Variants in ATP8A1 observed in about 807,000 individuals in gnomAD.
The protein encoded by ATP8A1 is ATPase phospholipid transporting 8A1, also known as phospholipid-transporting ATPase IA.
A neutral mutation model predicts 177.7 loss-of-function variants in ATP8A1; 90 were observed. The observed-to-expected ratio is 0.51, with a 90% CI of 0.43 to 0.60. The LOEUF (loss-of-function observed/expected upper bound fraction) is 0.60. Ranked by LOEUF, ATP8A1 falls within the 20% of genes least tolerant of loss-of-function variation. The probability of loss-of-function intolerance (pLI) is 0.00; values close to 1 mark genes in which losing one functional copy is unlikely to be tolerated. For missense variants in ATP8A1, 1,072 were observed against 1,392.8 expected, an observed-to-expected ratio of 0.77 and a Z score of 3.67; for synonymous variants, 493 against 485.9, an observed-to-expected ratio of 1.01 and a Z score of -0.19.
chr4:42,540,546 C>T (rs113987825), intron 20 of ATP8A1, among the ~76,000 whole-genome samples: 1 of 133,020 alleles, frequency 7.5e-6, no homozygotes, highest in African/African-American at 2.8e-5. Flanking sequence ...ATCAACAGAC[C>T]AATAGATAAA....
intron 5 of ATP8A1, among the ~76,000 whole-genome samples, chr4:42,605,208 G>T (rs187640541): frequency 6.6e-6 from 1 of 152,244 alleles, no homozygotes; most frequent in African/African-American, 2.4e-5. Flanking sequence ...TACAGAAAAA[G>T]ATGCCAATGA....
chr4:42,625,167 T>G (rs1163568843), intron 3 of ATP8A1: 1 of 152,866 alleles, frequency 6.5e-6, no homozygotes, highest in Non-Finnish European at 1.5e-5. Context: ...TTTTAAAAAT[T>G]TTTTATTTTC....
chr4:42,414,773 G>C, intron 35 of ATP8A1, 55 bp from the exon 36 acceptor site: 3 of 1,342,742 alleles, frequency 2.2e-6, no homozygotes, highest in Non-Finnish European at 3.2e-6. Flanking sequence ...AGAGACCCCA[G>C]TGTGCCCACA....
Position 42,600,993 on chromosome 4 carries a change from AAAAC to A in ATP8A1, c.410-479_410-476del, listed in dbSNP as rs1345455041. On this transcript the variant is annotated intron_variant, in intron 5 of 36. Transcript: ENST00000381668. The stretch of plus-strand genomic sequence containing the variant: ...ACCTTTAGGTTTATATTAATGCAAA[AAAAC>A]AAACAGCGACAAAAAGCAAAAACAA... 3.3e-5 allele frequency among the ~76,000 whole-genome samples: 5 copies of A among 152,054 alleles called. No individual in the cohort carries two copies. In the East Asian group the frequency reaches 5.8e-4, roughly 18 times the overall value.
intron 6 of ATP8A1, among the ~76,000 whole-genome samples, chr4:42,593,151 G>A (rs1253577478): frequency 1.3e-5 from 2 of 151,988 alleles, no homozygotes; most frequent in African/African-American, 4.8e-5. Context: ...AAGAATCCTG[G>A]CTTTTCACTC....
intron 33 of ATP8A1, 93 bp downstream of exon 33, chr4:42,443,472 A>G: frequency 1.6e-6 from 1 of 615,294 alleles, no homozygotes; most frequent in Non-Finnish European, 3.0e-6. Flanking sequence ...ATATAAATCA[A>G]CAAGATGGAA....
chr4:42,510,391 A>G (rs1290085959), intron 22 of ATP8A1, among the ~76,000 whole-genome samples: 2 of 152,234 alleles, frequency 1.3e-5, no homozygotes, highest in Admixed American at 6.5e-5. Flanking sequence ...TTGAATTTAA[A>G]TGTTTACACA....
intron 24 of ATP8A1, among the ~76,000 whole-genome samples, chr4:42,502,851 TTTAATA>T (rs1198223144): frequency 6.6e-6 from 1 of 152,234 alleles, no homozygotes; most frequent in African/African-American, 2.4e-5. Flanking sequence ...TCTCCTTTAC[TTTAATA>T]TTAACAGGTC....
chr4:42,606,719 T>G (rs185712846), intron 5 of ATP8A1, among the ~76,000 whole-genome samples: 2 of 152,130 alleles, frequency 1.3e-5, no homozygotes, highest in Non-Finnish European at 2.9e-5. Flanking sequence ...ATTCTCCCCC[T>G]GGTGCAAATT....
At chr4:42,454,309 C>T (rs1718245107) in intron 29 of ATP8A1, among the ~76,000 whole-genome samples, 2 of 152,128 alleles carry the variant, frequency 1.3e-5, no homozygotes, top group African/African-American at 4.8e-5. Context: ...ATTCTCTTGG[C>T]ATATGGAAAA....
At chr4:42,502,328 C>T (rs1723937286) in intron 24 of ATP8A1, among the ~76,000 whole-genome samples, 1 of 152,098 alleles carries the variant, frequency 6.6e-6, no homozygotes, top group African/African-American at 2.4e-5. Context: ...AAAATAAATG[C>T]CAGTGTCTTA....
Position 42,409,962 on chromosome 4 carries a change from C to T in ATP8A1, c.*2954G>A, listed in dbSNP as rs1712401484. 1 of 152,160 alleles carries T rather than the reference C, an allele frequency of 6.6e-6. No individual in the cohort carries two copies. The highest frequency in any genetic ancestry group is 6.5e-5 in the Admixed American group (1 of 15,272). The allele number at this position is 152,160 out of a possible 1,614,324, so 9.4% of individuals were successfully genotyped here. A position where few individuals can be genotyped will look rare whatever the true frequency, so the allele number is the denominator to read the frequency against. On this transcript the variant is annotated 3_prime_UTR_variant, in exon 37 of 37. Coordinates refer to ENST00000381668, the MANE Select transcript of ATP8A1 (RefSeq NM_006095.2). ...CCATACAATTCATGTAAATGGCTAACATTATTTAGCAGAATACACATTCAC... is the reference window on the plus strand; with the variant it reads ...CCATACAATTCATGTAAATGGCTAATATTATTTAGCAGAATACACATTCAC...
At chr4:42,517,959 T>C (rs1725728957) in intron 22 of ATP8A1, among the ~76,000 whole-genome samples, 1 of 152,198 alleles carries the variant, frequency 6.6e-6, no homozygotes, top group African/African-American at 2.4e-5. Flanking sequence ...AGGCAGCACA[T>C]TCTAGTGCTC....
chr4:42,471,676 T>C (rs891279431), intron 25 of ATP8A1: 6 of 258,286 alleles, frequency 2.3e-5, no homozygotes, highest in Non-Finnish European at 4.6e-5. Context: ...TTAGTTTATC[T>C]ACAATATTGC....
At chr4:42,522,379 A>ATGG in intron 21 of ATP8A1, 80 bp from the exon 22 acceptor site, 2 of 1,529,790 alleles carry the variant, frequency 1.3e-6, no homozygotes, top group Non-Finnish European at 1.8e-6. Context: ...TATTTCACAA[A>ATGG]GTCCCATTTT....
At chr4:42,424,895 A>C (rs940497673) in intron 33 of ATP8A1, among the ~76,000 whole-genome samples, 2 of 152,238 alleles carry the variant, frequency 1.3e-5, no homozygotes, top group Non-Finnish European at 2.9e-5. Context: ...AAGTTTTGCC[A>C]CATGGGTTCA....
intron 9 of ATP8A1, 74 bp from the exon 10 acceptor site, chr4:42,581,806 C>A: frequency 9.9e-7 from 1 of 1,006,242 alleles, no homozygotes; most frequent in Non-Finnish European, 1.5e-6. Flanking sequence ...CATATAGTTA[C>A]AAAAGTACCC....
At chr4:42,527,433 C>T (rs1383523041) in intron 20 of ATP8A1, among the ~76,000 whole-genome samples, 3 of 152,056 alleles carry the variant, frequency 2.0e-5, no homozygotes, top group Non-Finnish European at 4.4e-5. Flanking sequence ...GTAACAGCTT[C>T]CCCATCCCCA....
intron 15 of ATP8A1, among the ~76,000 whole-genome samples, chr4:42,566,453 C>A (rs924910690): frequency 6.6e-6 from 1 of 152,154 alleles, no homozygotes; most frequent in African/African-American, 2.4e-5. Context: ...ACTGGGATCA[C>A]ACTTTTGATC....
Sources: gnomAD v4.1 joint callset for allele counts (sites outside exome capture counted in the v4.1 genomes callset) on GRCh38, gnomAD v4.1.1 for gene constraint, MANE v1.5 for transcripts, NCBI Gene and HGNC (gene_info 2026-07-23, HGNC 2026-07-21) for gene names.